Variants in CAMTA1 observed in about 807,000 individuals in gnomAD.
CAMTA1 encodes the protein calmodulin binding transcription activator 1.
In CAMTA1, 27 loss-of-function variants were observed where a neutral mutation model predicts 170.9. The observed-to-expected ratio is 0.16, with a 90% CI of 0.12 to 0.22. The LOEUF (loss-of-function observed/expected upper bound fraction) is 0.22, where lower values mean the gene tolerates loss of function less well. Ranked by LOEUF, CAMTA1 falls within the 10% of genes least tolerant of loss-of-function variation. CAMTA1 has a pLI of 1.00. For synonymous variants in CAMTA1, 833 were observed against 891.5 expected (o/e 0.93, Z 1.17); for missense variants, 1,619 against 2,217.2 (o/e 0.73, Z 5.42).
At chr1:6,981,373 T>C (rs556777393) in intron 3 of CAMTA1, among the ~76,000 whole-genome samples, 135 of 152,360 alleles carry the variant, frequency 8.9e-4, no homozygotes, top group Non-Finnish European at 1.6e-3. Flanking sequence ...TTTTTACTTA[T>C]GTATTTTTAC....
chr1:7,109,279 G>C (rs905053779), intron 4 of CAMTA1, among the ~76,000 whole-genome samples: 36 of 152,224 alleles, frequency 2.4e-4, no homozygotes, highest in Admixed American at 1.2e-3. Flanking sequence ...GTCATTGGGG[G>C]CTCCCTCAGA....
intron 5 of CAMTA1, among the ~76,000 whole-genome samples, chr1:7,390,614 C>T (rs889363176): frequency 1.3e-5 from 2 of 152,242 alleles, no homozygotes; most frequent in Admixed American, 6.5e-5. Flanking sequence ...TGTTCAGACA[C>T]CCAGGCTGTG....
chr1:7,087,376 A>G (rs1640887836), intron 3 of CAMTA1, among the ~76,000 whole-genome samples: 1 of 152,194 alleles, frequency 6.6e-6, no homozygotes, highest in African/African-American at 2.4e-5. Context: ...TGGGGTGGCA[A>G]TAAGCTTGAT....
intron 5 of CAMTA1, among the ~76,000 whole-genome samples, chr1:7,341,747 C>T (rs1378349867): frequency 6.6e-6 from 1 of 152,204 alleles, no homozygotes; most frequent in Non-Finnish European, 1.5e-5. Flanking sequence ...AGCATCTTGG[C>T]CAGGGTCCAG....
chr1:6,990,091 A>C (rs1021956264), intron 3 of CAMTA1, among the ~76,000 whole-genome samples: 1 of 152,188 alleles, frequency 6.6e-6, no homozygotes, highest in Non-Finnish European at 1.5e-5. Flanking sequence ...GGGAGGGGCA[A>C]TCTTTTGCTC....
At chr1:6,890,080 C>G (rs1674182417) in intron 3 of CAMTA1, among the ~76,000 whole-genome samples, 4 of 152,188 alleles carry the variant, frequency 2.6e-5, no homozygotes, top group Admixed American at 1.3e-4. Flanking sequence ...TGGTGGCACA[C>G]AGAGGACGTC....
chr1:6,918,526 A>G lies in CAMTA1; in HGVS notation c.234+93316A>G, dbSNP rs776723190. ...ATAAATGTCTCGGCTTTACTGTACT[A>G]TTTGTGCTTGAGAAATACTGTGGCT... On this transcript the variant is annotated intron_variant, in intron 3 of 22. Coordinates refer to ENST00000303635, the MANE Select transcript of CAMTA1 (RefSeq NM_015215.4). The surrounding 1 kb of genome is among the most constrained non-coding windows in gnomAD (Gnocchi z 4.0). Among the ~76,000 whole-genome samples the G allele has an allele frequency of 1.3e-5, 2 of 152,202 alleles. No individual in the cohort carries two copies. The highest frequency in any genetic ancestry group is 2.9e-5 in the Non-Finnish European group (2 of 68,032).
rs950653198 is a variant in CAMTA1 at position 7,565,635 on chromosome 1, G to A, written c.511-74765G>A. On this transcript the variant is annotated intron_variant, in intron 6 of 22. Coordinates refer to ENST00000303635, the MANE Select transcript of CAMTA1 (RefSeq NM_015215.4). The surrounding 1 kb of genome is among the most constrained non-coding windows in gnomAD (Gnocchi z 4.5). Reference sequence around the variant, plus strand: ...GGAGAGCCAGGTCCTGCTCCTTTGGGGAGGCTGCCTGGGGGCCTCAGCCAT... The same window carrying A: ...GGAGAGCCAGGTCCTGCTCCTTTGGAGAGGCTGCCTGGGGGCCTCAGCCAT... Among the ~76,000 whole-genome samples the A allele has an allele frequency of 6.6e-6, 1 of 152,198 alleles. No homozygotes were observed. The highest frequency in any genetic ancestry group is 1.5e-5 in the Non-Finnish European group (1 of 68,028).
At chr1:7,124,679 C>T (rs1466739683) in intron 4 of CAMTA1, among the ~76,000 whole-genome samples, 1 of 152,198 alleles carries the variant, frequency 6.6e-6, no homozygotes, top group Non-Finnish European at 1.5e-5. Flanking sequence ...TAAGCAGATT[C>T]CTTGAAGTTT....
chr1:7,467,430 T>A (rs1006087882), intron 5 of CAMTA1, among the ~76,000 whole-genome samples: 1 of 152,208 alleles, frequency 6.6e-6, no homozygotes, highest in African/African-American at 2.4e-5. Flanking sequence ...ATGAATTCTG[T>A]AACCATCAGC....
intron 5 of CAMTA1, among the ~76,000 whole-genome samples, chr1:7,272,905 T>C (rs1267500876): frequency 6.6e-6 from 1 of 152,026 alleles, no homozygotes; most frequent in Non-Finnish European, 1.5e-5. Context: ...TTCTTAGAAC[T>C]TAACAATTAA....
At chr1:7,310,647 T>TCTTTCTTTCTTTTC (rs61161982) in intron 5 of CAMTA1, among the ~76,000 whole-genome samples, 3 of 49,180 alleles carry the variant, frequency 6.1e-5, no homozygotes, top group African/African-American at 2.4e-4. Context: ...TTTCTTTCTT[T>TCTTTCTTTCTTTTC]TTTCTTTCTT....
intron 22 of CAMTA1, among the ~76,000 whole-genome samples, chr1:7,757,276 G>A (rs528796234): frequency 3.3e-5 from 5 of 152,278 alleles, no homozygotes; most frequent in African/African-American, 1.2e-4. Flanking sequence ...CAACTACTCA[G>A]TTCTTTTAAT....
chr1:7,580,761 C>G lies in CAMTA1; in HGVS notation c.511-59639C>G, dbSNP rs1576208615. ...GTCGGAGGGAACTTGGCATTTGACT[C>G]TGGCTTTGGAGGGTTTGGTTATCTC... is the stretch of plus-strand genomic sequence containing the variant. On this transcript the variant is annotated intron_variant, in intron 6 of 22. Transcript: ENST00000303635. The surrounding 1 kb of genome is among the most constrained non-coding windows in gnomAD (Gnocchi z 4.3). Among the ~76,000 whole-genome samples, 1 of 152,172 alleles carries G rather than the reference C, an allele frequency of 6.6e-6. No homozygotes were observed. Among genetic ancestry groups the G allele is most frequent in the East Asian group, 1.9e-4 (1 of 5,170 alleles).
In CAMTA1 at chr1:7,634,801, G is replaced by A. The variant is rs1417661449; in HGVS notation, c.511-5599G>A. ...TTTTTTCTGTCTGGGTTTGGTTTTG[G>A]TGGTGGTTGGTGGTGGTAGAGCGGG... is the stretch of plus-strand genomic sequence containing the variant. On this transcript the variant is annotated intron_variant, in intron 6 of 22. Coordinates refer to ENST00000303635, the MANE Select transcript of CAMTA1 (RefSeq NM_015215.4). The surrounding 1 kb of genome is among the most constrained non-coding windows in gnomAD (Gnocchi z 6.2). Among the ~76,000 whole-genome samples the A allele has an allele frequency of 6.6e-6, 1 of 152,134 alleles. No homozygotes were observed. Among genetic ancestry groups the A allele is most frequent in the African/African-American group, 2.4e-5 (1 of 41,426 alleles).
At chr1:7,031,817 A>AG (rs1312870115) in intron 3 of CAMTA1, among the ~76,000 whole-genome samples, 1 of 152,170 alleles carries the variant, frequency 6.6e-6, no homozygotes, top group Non-Finnish European at 1.5e-5. Flanking sequence ...CTGGGATTAT[A>AG]GGCATGAGTC....
intron 3 of CAMTA1, among the ~76,000 whole-genome samples, chr1:7,040,359 G>T (rs1054827459): frequency 6.6e-6 from 1 of 152,164 alleles, no homozygotes; most frequent in Non-Finnish European, 1.5e-5. Flanking sequence ...GGTGCAATCA[G>T]ATTGCTTGGA....
At chr1:6,824,028 A>G (rs76268346) in intron 2 of CAMTA1, among the ~76,000 whole-genome samples, 12,151 of 152,190 alleles carry the variant, frequency 0.08, 731 homozygotes, top group East Asian at 0.26. Context: ...ACTGGGCCAG[A>G]TCTTGGACTC....
chr1:7,608,960 G>A (rs2150654119), intron 6 of CAMTA1, among the ~76,000 whole-genome samples: 2 of 152,224 alleles, frequency 1.3e-5, no homozygotes, highest in Non-Finnish European at 2.9e-5. Flanking sequence ...CATTCTATGG[G>A]GAAATTCTAA....
Sources: gnomAD v4.1 joint callset for allele counts (sites outside exome capture counted in the v4.1 genomes callset) on GRCh38, gnomAD v4.1.1 for gene constraint, Gnocchi (gnomAD v3.1) non-coding constraint, MANE v1.5 for transcripts, NCBI Gene and HGNC (gene_info 2026-07-23, HGNC 2026-07-21) for gene names.